INO80: variants seen among roughly 807,000 people sequenced by gnomAD.
INO80 encodes chromatin-remodeling ATPase INO80.
A neutral mutation model predicts 203.4 loss-of-function variants in INO80; 20 were observed. The ratio of observed to expected loss-of-function variants is 0.10; its 90% CI spans 0.07 to 0.14. The LOEUF is 0.14. INO80 is among the 10% of genes least tolerant of loss of function. The probability of loss-of-function intolerance (pLI) is 1.00; values close to 1 mark genes in which losing one functional copy is unlikely to be tolerated. For missense variants in INO80, 1,419 were observed against 1,914.4 expected (o/e 0.74, Z 4.83); for synonymous variants, 726 against 685.2 (o/e 1.06, Z -0.93).
At chr15:41,062,880 T>C (rs549958398) in intron 14 of INO80, among the ~76,000 whole-genome samples, 1 of 152,306 alleles carries the variant, frequency 6.6e-6, no homozygotes, top group East Asian at 1.9e-4. Flanking sequence ...GTTTTCTGTG[T>C]TTTGTTATAG....
At chr15:41,008,825 A>G (rs560641762) in intron 27 of INO80, among the ~76,000 whole-genome samples, 3 of 152,222 alleles carry the variant, frequency 2.0e-5, no homozygotes, top group African/African-American at 7.2e-5. Context: ...AGTAAATCAT[A>G]ATCTGCATTT....
At chr15:41,090,474 G>A (rs1375249610) in intron 5 of INO80, among the ~76,000 whole-genome samples, 1 of 152,170 alleles carries the variant, frequency 6.6e-6, no homozygotes, top group Non-Finnish European at 1.5e-5. Context: ...CTACTCAGCA[G>A]GCTGAGCAGG....
chr15:41,100,839 T>C (rs2045797477), intron 1 of INO80, among the ~76,000 whole-genome samples: 1 of 151,458 alleles, frequency 6.6e-6, no homozygotes, highest in Non-Finnish European at 1.5e-5. Context: ...TCTTTTTTTT[T>C]TTTTTTTGAG....
At chr15:41,016,955 A>G (rs1278988034) in intron 26 of INO80, 1 of 150,864 alleles carries the variant, frequency 6.6e-6, no homozygotes, top group East Asian at 1.9e-4. Flanking sequence ...TCAGCCTCCT[A>G]AAGTGCTGAG....
intron 24 of INO80, among the ~76,000 whole-genome samples, chr15:41,042,646 G>C (rs1316816664): frequency 6.6e-6 from 1 of 151,578 alleles, no homozygotes; most frequent in African/African-American, 2.4e-5. Flanking sequence ...GCTAATTTTT[G>C]TATTTTTAGT....
chr15:41,070,306 G>A (rs1233313318), intron 13 of INO80, among the ~76,000 whole-genome samples, 161 bp downstream of exon 13: 3 of 152,150 alleles, frequency 2.0e-5, no homozygotes, highest in Non-Finnish European at 4.4e-5. Flanking sequence ...AAACCAAAAA[G>A]TTATAAAACA....
At chr15:41,065,612 A>G in intron 14 of INO80, among the ~76,000 whole-genome samples, 1 of 152,214 alleles carries the variant, frequency 6.6e-6, no homozygotes, top group South Asian at 2.1e-4. Flanking sequence ...ACAACAGCCA[A>G]AAGGTGGAAA....
Position 40,982,216 on chromosome 15 carries a change from A to G in INO80, c.4453+646T>C, listed in dbSNP as rs142169184. On this transcript the variant is annotated intron_variant, in intron 35 of 35. Coordinates refer to ENST00000648947, the MANE Select transcript of INO80 (RefSeq NM_017553.3). ...TGCTGGAGTGCAGTGACCTGATCTC[A>G]GTGCACTGAAACCTCCACCTCCAGG... 1.2e-3 allele frequency among the ~76,000 whole-genome samples: 184 copies of G among 152,280 alleles called. 7 individuals are homozygous for G. Among genetic ancestry groups the G allele is most frequent in the African/African-American group, 4.3e-3 (179 of 41,556 alleles).
Position 41,016,198 on chromosome 15 carries a change from T to C in INO80, c.3292A>G (p.Thr1098Ala), listed in dbSNP as rs2044206787. The C allele has an allele frequency of 6.2e-7, 1 of 1,613,586 alleles. No homozygotes were observed. Among genetic ancestry groups the C allele is most frequent in the Admixed American group, 1.7e-5 (1 of 59,940 alleles). The stretch of plus-strand genomic sequence containing the variant: ...AGGGCATACAGCTTTCCACTGTCAG[T>C]GATGAGGCTCTCCTTGCCTGGGGAG... The part of the protein sequence containing the change: ...IRIPGKESLI[T>A]DSGKLYALDV... The change falls in exon 27 of 36, where the codon ACT becomes GCT. Residue 1098 changes from threonine to alanine, a missense_variant. By Grantham distance (58) the Thr-to-Ala change is moderately conservative. Coordinates refer to ENST00000648947, the MANE Select transcript of INO80 (RefSeq NM_017553.3).
At chr15:41,029,524 T>C (rs1285357947) in intron 24 of INO80, among the ~76,000 whole-genome samples, 1 of 152,246 alleles carries the variant, frequency 6.6e-6, no homozygotes. Flanking sequence ...ACATTTGATA[T>C]ACTGCTAGGC....
chr15:41,066,148 T>C (rs2045209235), intron 14 of INO80, among the ~76,000 whole-genome samples: 1 of 151,926 alleles, frequency 6.6e-6, no homozygotes, highest in African/African-American at 2.4e-5. Flanking sequence ...CCAGCTAATT[T>C]TGTATTTTTA....
chr15:40,996,620 A>G (rs1158971038), intron 29 of INO80, among the ~76,000 whole-genome samples: 2 of 152,192 alleles, frequency 1.3e-5, no homozygotes, highest in African/African-American at 2.4e-5. Flanking sequence ...CACCACGCCC[A>G]GCCAGGAATC....
intron 24 of INO80, among the ~76,000 whole-genome samples, chr15:41,037,740 C>T (rs564389468): frequency 1.6e-4 from 24 of 152,016 alleles, no homozygotes; most frequent in African/African-American, 5.8e-4. Context: ...ACCAGGAGTT[C>T]GAGACCAGCC....
Position 41,069,657 on chromosome 15 carries a change from G to T in INO80, c.1695C>A (p.Asn565Lys). 1 of 1,603,688 alleles carries T rather than the reference G, an allele frequency of 6.2e-7. No individual in the cohort carries two copies. The highest frequency in any genetic ancestry group is 8.5e-7 in the Non-Finnish European group (1 of 1,173,206). ...ALLAHLAERE[N>K]IWGPFLIISP... ...AAATTATTAAGAAAGGTCCCCAAAT[G>T]TTCTCTCTCTGCAACAGAAAAACCC... Residue 565 changes from asparagine to lysine, a missense_variant, in exon 14 of 36, where the codon AAC (asparagine) becomes AAA (lysine). Asn to Lys is a moderately conservative substitution (Grantham distance 94). Transcript: ENST00000648947.
chr15:41,009,322 A>G (rs1414668982), intron 27 of INO80, among the ~76,000 whole-genome samples: 1 of 149,474 alleles, frequency 6.7e-6, no homozygotes, highest in South Asian at 2.1e-4. Flanking sequence ...ATGCTGGTGC[A>G]CTGCACCCAC....
At position 40,984,364 on chromosome 15, in the gene INO80, C is replaced by T. The variant is rs142974528; in HGVS notation, c.3922-12G>A. ...TCTTCTTTTTTCTTCTGGGAACACA[C>T]GGATAAATATGGAAAACGTGTGAGG... is the stretch of plus-strand genomic sequence containing the variant. On this transcript the variant is annotated splice_polypyrimidine_tract_variant and intron_variant, in intron 32 of 35. Coordinates refer to ENST00000648947, the MANE Select transcript of INO80 (RefSeq NM_017553.3). 39 of 1,612,110 alleles carry T rather than the reference C, an allele frequency of 2.4e-5. No homozygotes were observed. The highest frequency in any genetic ancestry group is 3.0e-5 in the Non-Finnish European group (35 of 1,178,568).
chr15:40,985,964 G>A (rs774419067), intron 31 of INO80, among the ~76,000 whole-genome samples: 14 of 152,002 alleles, frequency 9.2e-5, no homozygotes, highest in Non-Finnish European at 1.6e-4. Flanking sequence ...TTTCATTTCA[G>A]CCTTTTAATC....
intron 7 of INO80, 84 bp downstream of exon 7, chr15:41,085,285 G>A: frequency 8.7e-7 from 1 of 1,149,268 alleles, no homozygotes; most frequent in Middle Eastern, 2.0e-4. Context: ...ATCTGTGAAA[G>A]TATCTAGCTC....
chr15:40,983,021 C>G lies in INO80; in HGVS notation c.4294G>C (p.Gly1432Arg), dbSNP rs1450414884. 1.2e-6 allele frequency: 2 copies of G among 1,614,048 alleles called. No homozygotes were observed. The highest frequency in any genetic ancestry group is 1.7e-6 in the Non-Finnish European group (2 of 1,180,030). The part of the protein sequence containing the change: ...AGRGHSARSR[G>R]RPKGSGSTAK... ...GTGCTTCCTGAACCTTTGGGGCGGC[C>G]TCGGCTTCGGGCTGAGTGACCACGT... is the stretch of plus-strand genomic sequence containing the variant. The change falls in exon 35 of 36, where the codon GGC (glycine) becomes CGC (arginine). Residue 1432 changes from glycine (G) to arginine (R), a missense_variant. Coordinates refer to ENST00000648947, the MANE Select transcript of INO80 (RefSeq NM_017553.3).
Sources: gnomAD v4.1 joint callset for allele counts (sites outside exome capture counted in the v4.1 genomes callset) on GRCh38, gnomAD v4.1.1 for gene constraint, MANE v1.5 for transcripts, NCBI Gene and HGNC (gene_info 2026-07-23, HGNC 2026-07-21) for gene names.